Variants in PTPRD observed in about 807,000 individuals in gnomAD.
PTPRD encodes the protein protein tyrosine phosphatase receptor type D.
A neutral mutation model predicts 214.5 loss-of-function variants in PTPRD; 34 were observed. The ratio of observed to expected loss-of-function variants is 0.16; its 90% CI spans 0.12 to 0.21. The LOEUF (loss-of-function observed/expected upper bound fraction) is 0.21, where lower values mean the gene tolerates loss of function less well. Ranked by LOEUF, PTPRD falls within the 10% of genes least tolerant of loss-of-function variation. The pLI is 1.00. For missense variants in PTPRD, 2,545 were observed against 2,398.7 expected (o/e 1.06, Z -1.27); for synonymous variants, 1,128 against 845.7 (o/e 1.33, Z -5.79).
intron 9 of PTPRD, among the ~76,000 whole-genome samples, chr9:9,371,163 A>G (rs959463026): frequency 5.3e-5 from 8 of 151,806 alleles, no homozygotes; most frequent in Non-Finnish European, 8.8e-5. Flanking sequence ...TTTTTCCATT[A>G]ATTGTAATAG....
intron 11 of PTPRD, among the ~76,000 whole-genome samples, chr9:8,803,232 T>C (rs1359102535): frequency 6.6e-6 from 1 of 152,082 alleles, no homozygotes; most frequent in Non-Finnish European, 1.5e-5. Flanking sequence ...AAAGTGTTTG[T>C]GAAAAAAAGT....
chr9:10,256,018 G>A (rs758482645), intron 3 of PTPRD, among the ~76,000 whole-genome samples: 7 of 152,170 alleles, frequency 4.6e-5, no homozygotes, highest in Non-Finnish European at 8.8e-5. Flanking sequence ...CAGTTCAGCA[G>A]CAGCATTAGA....
chr9:8,748,863 T>C (rs888341183), intron 11 of PTPRD, among the ~76,000 whole-genome samples: 9 of 152,048 alleles, frequency 5.9e-5, no homozygotes, highest in African/African-American at 1.9e-4. Flanking sequence ...TAAGCCAAGA[T>C]TGCGCCAGTG....
At chr9:9,273,896 T>A (rs1821291884) in intron 9 of PTPRD, among the ~76,000 whole-genome samples, 1 of 151,342 alleles carries the variant, frequency 6.6e-6, no homozygotes, top group African/African-American at 2.4e-5. Context: ...TTCCAGAGGT[T>A]TGTCAATATC....
intron 5 of PTPRD, among the ~76,000 whole-genome samples, chr9:9,830,683 A>T (rs1213195953): frequency 6.6e-6 from 1 of 151,894 alleles, no homozygotes; most frequent in African/African-American, 2.4e-5. Flanking sequence ...AGACTGGCAC[A>T]AATAAATCAG....
intron 14 of PTPRD, among the ~76,000 whole-genome samples, chr9:8,590,162 G>T (rs1001231071): frequency 1.3e-5 from 2 of 152,098 alleles, no homozygotes; most frequent in African/African-American, 4.8e-5. Context: ...TATTAAAGCT[G>T]ATAATAGAAA....
At chr9:9,937,565 C>T (rs1469570323) in intron 5 of PTPRD, among the ~76,000 whole-genome samples, 4 of 151,988 alleles carry the variant, frequency 2.6e-5, no homozygotes, top group African/African-American at 7.2e-5. Context: ...TAATTATTTA[C>T]TCACATTAAA....
intron 2 of PTPRD, among the ~76,000 whole-genome samples, chr9:10,514,941 T>A (rs910778170): frequency 9.2e-5 from 14 of 152,052 alleles, no homozygotes; most frequent in African/African-American, 3.4e-4. Context: ...TGGATTAAAT[T>A]AATTCATATA....
intron 3 of PTPRD, among the ~76,000 whole-genome samples, chr9:10,135,687 T>C (rs2098937613): frequency 6.6e-6 from 1 of 152,030 alleles, no homozygotes; most frequent in Non-Finnish European, 1.5e-5. Flanking sequence ...AACACATAAA[T>C]TTGTTACCAC....
At chr9:10,393,486 A>G (rs1038522770) in intron 2 of PTPRD, among the ~76,000 whole-genome samples, 1 of 151,606 alleles carries the variant, frequency 6.6e-6, no homozygotes. Context: ...AGAAAGAGAA[A>G]TGTATAAAAT....
intron 10 of PTPRD, among the ~76,000 whole-genome samples, chr9:9,042,931 C>T (rs566969345): frequency 1.1e-4 from 16 of 152,104 alleles, no homozygotes; most frequent in East Asian, 7.8e-4. Flanking sequence ...GTTGGGTATC[C>T]GACACTCATG....
At chr9:8,953,756 A>G (rs2099116263) in intron 11 of PTPRD, among the ~76,000 whole-genome samples, 1 of 152,096 alleles carries the variant, frequency 6.6e-6, no homozygotes, top group Non-Finnish European at 1.5e-5. Context: ...AATGTTCCAC[A>G]TCACTAATCA....
chr9:9,533,723 T>C lies in PTPRD; in HGVS notation c.-237+41009A>G, dbSNP rs540705696. ...CTTAATATTAATGATGATCTCTCAG[T>C]CACTAATAATATAAATTCATGAAGA... is the stretch of plus-strand genomic sequence containing the variant. On this transcript the variant is annotated intron_variant, in intron 8 of 45. Coordinates refer to ENST00000381196, the MANE Select transcript of PTPRD (RefSeq NM_002839.4). Among the ~76,000 whole-genome samples the C allele has an allele frequency of 3.3e-5, 5 of 152,140 alleles. No homozygotes were observed. The East Asian group carries it at 9.7e-4, about 29-fold the overall frequency.
intron 14 of PTPRD, among the ~76,000 whole-genome samples, chr9:8,535,567 T>C (rs1251382095): frequency 4.6e-5 from 7 of 151,958 alleles, no homozygotes; most frequent in Admixed American, 4.6e-4. Flanking sequence ...ACCAACTGTT[T>C]TTCCCTATAT....
intron 8 of PTPRD, among the ~76,000 whole-genome samples, chr9:9,499,173 G>A (rs1052200766): frequency 4.6e-5 from 7 of 152,088 alleles, no homozygotes; most frequent in Non-Finnish European, 7.4e-5. Flanking sequence ...ACGACATTCA[G>A]ATAGTAGAAT....
chr9:9,940,282 C>A (rs2091056934), intron 4 of PTPRD, among the ~76,000 whole-genome samples: 1 of 152,040 alleles, frequency 6.6e-6, no homozygotes, highest in Non-Finnish European at 1.5e-5. Flanking sequence ...AAAGGATAAA[C>A]CCCGCTCATC....
At chr9:9,328,538 T>C (rs1000128781) in intron 9 of PTPRD, among the ~76,000 whole-genome samples, 1 of 151,770 alleles carries the variant, frequency 6.6e-6, no homozygotes, top group Non-Finnish European at 1.5e-5. Flanking sequence ...TATGTGTTTA[T>C]ATTGAAATCT....
intron 5 of PTPRD, among the ~76,000 whole-genome samples, chr9:9,905,806 A>G (rs2077427985): frequency 6.6e-6 from 1 of 152,046 alleles, no homozygotes; most frequent in Non-Finnish European, 1.5e-5. Flanking sequence ...AGGAAAAAGT[A>G]TACAAACAAG....
chr9:8,603,320 A>G (rs1290521558), intron 14 of PTPRD, among the ~76,000 whole-genome samples: 1 of 152,170 alleles, frequency 6.6e-6, no homozygotes, highest in Non-Finnish European at 1.5e-5. Context: ...TGCAAAAGAA[A>G]AAAATCTAAG....
Sources: gnomAD v4.1 joint callset for allele counts (sites outside exome capture counted in the v4.1 genomes callset) on GRCh38, gnomAD v4.1.1 for gene constraint, MANE v1.5 for transcripts, NCBI Gene and HGNC (gene_info 2026-07-23, HGNC 2026-07-21) for gene names.